The following HSD17B3 variants were observed in gnomAD, a reference collection of about 807,000 sequenced individuals.
HSD17B3 encodes hydroxysteroid 17-beta dehydrogenase 3.
HSD17B3 carries 29 observed loss-of-function variants against 41.1 expected under a neutral mutation model. That is an observed-to-expected ratio of 0.71 (90% CI 0.53 to 0.96). The LOEUF (loss-of-function observed/expected upper bound fraction) is 0.96, where lower values mean the gene tolerates loss of function less well. Ranked by LOEUF, HSD17B3 falls within the 40% of genes least tolerant of loss-of-function variation. HSD17B3 has a pLI of 0.00. For missense variants in HSD17B3, 323 were observed against 374.6 expected (o/e 0.86, Z 1.14); for synonymous variants, 126 against 145.6 (o/e 0.87, Z 0.97).
chr9:96,292,703 C>G (rs910917847), intron 2 of HSD17B3, among the ~76,000 whole-genome samples: 1 of 152,038 alleles, frequency 6.6e-6, no homozygotes, highest in Non-Finnish European at 1.5e-5. Flanking sequence ...AAACCCCAAA[C>G]GGGTAAAACC....
intron 2 of HSD17B3, among the ~76,000 whole-genome samples, chr9:96,255,345 C>T (rs563062803): frequency 1.5e-5 from 2 of 129,036 alleles, no homozygotes; most frequent in Non-Finnish European, 3.2e-5. Context: ...ATAATAAAAG[C>T]AGTGTTTCTG....
At chr9:96,257,096 G>C (rs945264357) in intron 2 of HSD17B3, among the ~76,000 whole-genome samples, 1 of 152,040 alleles carries the variant, frequency 6.6e-6, no homozygotes, top group Admixed American at 6.6e-5. Context: ...TGAGGCCTCC[G>C]AAGCCGAGCA....
intron 6 of HSD17B3, among the ~76,000 whole-genome samples, chr9:96,247,590 T>A (rs1836720316): frequency 6.6e-6 from 1 of 152,140 alleles, no homozygotes; most frequent in African/African-American, 2.4e-5. Flanking sequence ...TCTGCAACAC[T>A]GGATTTTGGG....
At chr9:96,255,541 C>T (rs1422030569) in intron 2 of HSD17B3, among the ~76,000 whole-genome samples, 3 of 151,760 alleles carry the variant, frequency 2.0e-5, no homozygotes, top group South Asian at 2.1e-4. Flanking sequence ...AGGCATGCGC[C>T]GCCAAGCCCG....
At chr9:96,250,128 G>A (rs1328963191) in intron 5 of HSD17B3, 1 of 1,280,540 alleles carries the variant, frequency 7.8e-7, no homozygotes, top group African/African-American at 1.5e-5. Flanking sequence ...TAGCCTATGT[G>A]AGTCCAGGAG....
At chr9:96,245,826 C>T (rs2130715507) in intron 7 of HSD17B3, among the ~76,000 whole-genome samples, 1 of 152,310 alleles carries the variant, frequency 6.6e-6, no homozygotes, top group Middle Eastern at 3.4e-3. Context: ...GGACTCAGGA[C>T]CCACAGCTGG....
intron 2 of HSD17B3, among the ~76,000 whole-genome samples, chr9:96,275,340 G>A (rs1826407254): frequency 6.6e-6 from 1 of 152,106 alleles, no homozygotes; most frequent in Non-Finnish European, 1.5e-5. Context: ...TAATATAATA[G>A]TTGTAATGAT....
intron 6 of HSD17B3, 64 bp from the exon 7 acceptor site, chr9:96,246,654 G>A: frequency 2.1e-6 from 3 of 1,451,734 alleles, no homozygotes; most frequent in Non-Finnish European, 2.9e-6. Flanking sequence ...GGGGCGGGAT[G>A]GAAACAGGGA....
intron 7 of HSD17B3, 135 bp downstream of exon 7, chr9:96,246,421 C>T: frequency 1.2e-6 from 1 of 800,500 alleles, no homozygotes; most frequent in African/African-American, 1.7e-5. Flanking sequence ...CCCATAATCA[C>T]CGTGTGCTTT....
chr9:96,270,300 A>C (rs1033650952), intron 2 of HSD17B3, among the ~76,000 whole-genome samples: 19 of 152,132 alleles, frequency 1.2e-4, no homozygotes, highest in African/African-American at 4.6e-4. Flanking sequence ...ACAGAGACAG[A>C]GAGAGAAAGA....
intron 9 of HSD17B3, among the ~76,000 whole-genome samples, chr9:96,243,819 G>A (rs1836546249): frequency 6.6e-6 from 1 of 152,202 alleles, no homozygotes; most frequent in South Asian, 2.1e-4. Flanking sequence ...CTCCTCACCT[G>A]CTCGAGAACC....
At chr9:96,243,816 C>T (rs1280953636) in intron 9 of HSD17B3, among the ~76,000 whole-genome samples, 1 of 152,186 alleles carries the variant, frequency 6.6e-6, no homozygotes, top group Non-Finnish European at 1.5e-5. Flanking sequence ...CTCCTCCTCA[C>T]CTGCTCGAGA....
chr9:96,250,109 A>G (rs572723979), intron 5 of HSD17B3: 1 of 1,326,394 alleles, frequency 7.5e-7, no homozygotes, highest in African/African-American at 1.5e-5. Flanking sequence ...CAGCTGGAGG[A>G]AGAGGGGTTA....
chr9:96,289,909 C>T (rs1254682783), intron 2 of HSD17B3, among the ~76,000 whole-genome samples: 3 of 152,106 alleles, frequency 2.0e-5, no homozygotes, highest in East Asian at 3.8e-4. Flanking sequence ...GAACGGCTGC[C>T]GTGGGATGAA....
At chr9:96,260,543 T>C (rs948537455) in intron 2 of HSD17B3, among the ~76,000 whole-genome samples, 1 of 152,106 alleles carries the variant, frequency 6.6e-6, no homozygotes, top group African/African-American at 2.4e-5. Flanking sequence ...TCAATCACCT[T>C]GGTAAAGCTA....
intron 2 of HSD17B3, among the ~76,000 whole-genome samples, chr9:96,297,302 G>GA (rs1827401449): frequency 1.3e-5 from 2 of 150,146 alleles, no homozygotes; most frequent in Non-Finnish European, 3.0e-5. Flanking sequence ...ATTGCAAATG[G>GA]AAAAGCTTTT....
chr9:96,250,040 CG>C (rs1836832164), intron 5 of HSD17B3: 1 of 1,424,108 alleles, frequency 7.0e-7, no homozygotes, highest in Non-Finnish European at 9.1e-7. Context: ...CTGGAAAACT[CG>C]GAACTATATT....
chr9:96,249,194 C>T (rs1346298983), intron 6 of HSD17B3, among the ~76,000 whole-genome samples: 7 of 152,186 alleles, frequency 4.6e-5, no homozygotes, highest in East Asian at 1.9e-4. Flanking sequence ...TGAGCCACCA[C>T]GCCCAGCCAA....
chr9:96,301,751 G>A (rs926696250), intron 1 of HSD17B3, among the ~76,000 whole-genome samples, 200 bp downstream of exon 1: 1 of 148,842 alleles, frequency 6.7e-6, no homozygotes, highest in Non-Finnish European at 1.5e-5. Context: ...TGTGGTGACA[G>A]GCGCCTATAA....
Sources: allele counts gnomAD v4.1 joint callset (sites outside exome capture counted in the v4.1 genomes callset), GRCh38; gene constraint gnomAD v4.1.1; transcripts MANE v1.5; gene names NCBI Gene and HGNC (gene_info 2026-07-23, HGNC 2026-07-21).